The following NKX2-1 variants were observed in gnomAD, a reference collection of about 807,000 sequenced individuals.
NKX2-1 encodes homeobox protein Nkx-2.1.
Under a neutral mutation model 35.1 loss-of-function variants are expected in NKX2-1, and 9 were observed. The ratio of observed to expected loss-of-function variants is 0.26; its 90% CI spans 0.15 to 0.45. The LOEUF (loss-of-function observed/expected upper bound fraction) is 0.45, where lower values mean the gene tolerates loss of function less well. Among genes scored for constraint, NKX2-1 ranks in the 20% least tolerant of loss-of-function variants. The pLI is 1.00. For synonymous variants in NKX2-1, 284 were observed against 269.9 expected (o/e 1.05, Z -0.51); for missense variants, 509 against 589.1 (o/e 0.86, Z 1.41).
At position 36,519,142 on chromosome 14, in the gene NKX2-1, C is replaced by T. The variant is rs769642515; in HGVS notation, c.306G>A (p.Ala102=). 5.0e-6 allele frequency: 8 copies of T among 1,607,506 alleles called. No individual in the cohort carries two copies. In the Admixed American group the frequency reaches 5.0e-5, roughly 10 times the overall value. Residue 102 remains alanine (A), a synonymous_variant, in exon 2 of 3, where the codon GCG becomes GCA. Coordinates refer to ENST00000354822, the MANE Select transcript of NKX2-1 (RefSeq NM_001079668.3). ...AGTGCGAGAGCTGGGGCACCCCCGC[C>T]GCCGTCATGTGGTAGGCGGCGGTGA... ...GAVTAAYHMT[A]AGVPQLSHSA... is the part of the protein sequence containing the mutation.
chr14:36,519,912 T>C, intron 1 of NKX2-1, 141 bp downstream of exon 1: 1 of 1,318,128 alleles, frequency 7.6e-7, no homozygotes, highest in South Asian at 1.4e-5. Flanking sequence ...GAGAGATGGT[T>C]GAGAGGAAGG....
At position 36,519,425 on chromosome 14, in the gene NKX2-1, C is replaced by T. The variant is rs1202042766; in HGVS notation, c.78-55G>A. The T allele has an allele frequency of 2.1e-5, 33 of 1,602,130 alleles. No individual in the cohort carries two copies. The Admixed American group carries it at 2.6e-4, about 12-fold the overall frequency. On this transcript the variant is annotated intron_variant, in intron 1 of 2. Transcript: ENST00000354822. ...AAGGGAGAGGGGGAAGGCGAAGCCTCGCTGCTTTTTTTTTCTCCCTTTGCC... is the reference window on the plus strand; with the variant it reads ...AAGGGAGAGGGGGAAGGCGAAGCCTTGCTGCTTTTTTTTTCTCCCTTTGCC...
At chr14:36,519,944 C>A in intron 1 of NKX2-1, 109 bp downstream of exon 1, 1 of 1,524,170 alleles carries the variant, frequency 6.6e-7, no homozygotes, top group South Asian at 1.2e-5. Flanking sequence ...TGCTTTGCAA[C>A]CAACTTGCGG....
At chr14:36,519,720 TCA>T in intron 1 of NKX2-1, 1 of 1,497,634 alleles carries the variant, frequency 6.7e-7, no homozygotes, top group South Asian at 1.2e-5. Flanking sequence ...TTTTTAGGTC[TCA>T]AAGAGAGAGA....
chr14:36,517,454 CA>C lies in NKX2-1; in HGVS notation c.1029del (p.Gly344AlafsTer37). The C allele has an allele frequency of 6.9e-7, 1 of 1,454,392 alleles. No individual in the cohort carries two copies. Among genetic ancestry groups the C allele is most frequent in the Non-Finnish European group, 9.0e-7 (1 of 1,106,014 alleles). The allele number at this position is 1,454,392 out of a possible 1,614,324, so 90.1% of individuals were successfully genotyped here. A position where few individuals can be genotyped will look rare whatever the true frequency, so the allele number is the denominator to read the frequency against. The stretch of plus-strand genomic sequence containing the variant: ...CCTGGCTGGTGGCCCGGGTGTGCGC[CA>C]AGGCCGGCGCCACCGCTGCCCACGG... ...AISVGSGGAG[L>X]GAHPGHQPGS... On this transcript the variant is annotated frameshift_variant, in exon 3 of 3. Transcript: ENST00000354822. LOFTEE classifies it high-confidence loss of function.
chr14:36,520,043 G>A lies in NKX2-1; in HGVS notation c.77+10C>T, dbSNP rs780154530. On this transcript the variant is annotated intron_variant, in intron 1 of 2. Coordinates refer to ENST00000354822, the MANE Select transcript of NKX2-1 (RefSeq NM_001079668.3). ...GAGGAGGGGGCTGAGGGACAGGGTG[G>A]GGGTTTCACCTGAGCCTGCCGGGGC... 4.3e-6 allele frequency: 7 copies of A among 1,612,988 alleles called. No homozygotes were observed. The South Asian group carries it at 5.5e-5, about 13-fold the overall frequency.
Position 36,520,200 on chromosome 14 carries a change from G to A in NKX2-1, c.-71C>T, listed in dbSNP as rs886050485. On this transcript the variant is annotated 5_prime_UTR_variant, in exon 1 of 3. Transcript: ENST00000354822. Reference sequence around the variant, plus strand: ...GAGTCTGGGGACGAACCCTGGGGCCGCACTGTTGGTCTACGTGTCTGTCAG... The same window carrying A: ...GAGTCTGGGGACGAACCCTGGGGCCACACTGTTGGTCTACGTGTCTGTCAG... The A allele has an allele frequency of 6.3e-7, 1 of 1,585,422 alleles. No individual in the cohort carries two copies.
Position 36,517,521 on chromosome 14 carries a change from C to G in NKX2-1, c.963G>C (p.Gln321His). ...SLQGHAQQQAQHQAQAAQAAA... is the reference protein window; with the variant it reads ...SLQGHAQQQAHHQAQAAQAAA... ...CCGCCTGCGCGGCCTGCGCCTGGTG[C>G]TGCGCCTGCTGCTGCGCGTGGCCTT... The change falls in exon 3 of 3, where the codon CAG becomes CAC. Residue 321 changes from glutamine (Q) to histidine (H), a missense_variant. Coordinates refer to ENST00000354822, the MANE Select transcript of NKX2-1 (RefSeq NM_001079668.3). The G allele has an allele frequency of 7.1e-7, 1 of 1,404,402 alleles. No homozygotes were observed. The highest frequency in any genetic ancestry group is 9.2e-7 in the Non-Finnish European group (1 of 1,087,196). 87.0% of individuals were successfully genotyped at this position (1,404,402 alleles called of 1,614,324 possible). A position where few individuals can be genotyped will look rare whatever the true frequency, so the allele number is the denominator to read the frequency against.
rs112448937 is a variant in NKX2-1 at position 36,518,905 on chromosome 14, C to T, written c.463+80G>A. 3.0e-4 allele frequency: 419 copies of T among 1,388,168 alleles called. No individual in the cohort carries two copies. In the African/African-American group the frequency reaches 4.4e-3, roughly 15 times the overall value. The allele number at this position is 1,388,168 out of a possible 1,614,324, so 86.0% of individuals were successfully genotyped here. A position where few individuals can be genotyped will look rare whatever the true frequency, so the allele number is the denominator to read the frequency against. On this transcript the variant is annotated intron_variant, in intron 2 of 2. Transcript: ENST00000354822. ...CCCTGATGCCCAGCGCGCAGCCTGCCGGCGCCGCGCCTTCTGGACGGCTCT... is the reference window on the plus strand; with the variant it reads ...CCCTGATGCCCAGCGCGCAGCCTGCTGGCGCCGCGCCTTCTGGACGGCTCT...
In NKX2-1 at chr14:36,519,044, C is replaced by A; in HGVS notation, c.404G>T (p.Arg135Met). The A allele has an allele frequency of 1.3e-6, 2 of 1,597,808 alleles. No individual in the cohort carries two copies. The highest frequency in any genetic ancestry group is 1.7e-6 in the Non-Finnish European group (2 of 1,178,260). The change falls in exon 2 of 3, where the codon AGG becomes ATG. Residue 135 changes from arginine (R) to methionine (M), a missense_variant. Physicochemically the swap from Arg to Met is moderately conservative, Grantham distance 91. Coordinates refer to ENST00000354822, the MANE Select transcript of NKX2-1 (RefSeq NM_001079668.3). ...CCATCCGGGGCCAGAGGCGCTGTTCCTCATGGTGTCCTGGTACGGCGGCAG... is the reference window on the plus strand; with the variant it reads ...CCATCCGGGGCCAGAGGCGCTGTTCATCATGGTGTCCTGGTACGGCGGCAG... ...SELPPYQDTM[R>M]NSASGPGWYG... is the part of the protein sequence containing the mutation.
rs1286887695 is a variant in NKX2-1 at position 36,520,089 on chromosome 14, G to A, written c.41C>T (p.Ala14Val). Residue 14 changes from alanine (A) to valine (V), a missense_variant, in exon 1 of 3, where the codon GCC becomes GTC. By Grantham distance (64) the Ala-to-Val change is moderately conservative (BLOSUM62 0). Coordinates refer to ENST00000354822, the MANE Select transcript of NKX2-1 (RefSeq NM_001079668.3). ...GGGGCTGCTCCTCCCTCCCGCCGCG[G>A]CCTCCCAGCCCCGCGCCTTCCCACT... ...GGSGKARGWEAAAGGRSSPGR... is the reference protein window; with the variant it reads ...GGSGKARGWEVAAGGRSSPGR... The A allele has an allele frequency of 1.2e-6, 2 of 1,613,104 alleles. No individual in the cohort carries two copies.
At position 36,520,184 on chromosome 14, in the gene NKX2-1, G is replaced by C. The variant is rs1881291021; in HGVS notation, c.-55C>G. On this transcript the variant is annotated 5_prime_UTR_variant, in exon 1 of 3. Transcript: ENST00000354822. ...CAACAAATGAGCGAGCGAGTCTGGG[G>C]ACGAACCCTGGGGCCGCACTGTTGG... 1 of 1,601,514 alleles carries C rather than the reference G, an allele frequency of 6.2e-7. No individual in the cohort carries two copies. The highest frequency in any genetic ancestry group is 1.7e-5 in the Admixed American group (1 of 58,832).
At chr14:36,519,674 G>A (rs1881254931) in intron 1 of NKX2-1, 1 of 1,520,352 alleles carries the variant, frequency 6.6e-7, no homozygotes, top group Non-Finnish European at 8.8e-7. Context: ...ACATGCTGAT[G>A]ACAAGGTAAA....
chr14:36,520,039 G>A lies in NKX2-1; in HGVS notation c.77+14C>T, dbSNP rs1297914771. On this transcript the variant is annotated intron_variant, in intron 1 of 2. Transcript: ENST00000354822. Reference sequence around the variant, plus strand: ...TTAGGAGGAGGGGGCTGAGGGACAGGGTGGGGGTTTCACCTGAGCCTGCCG... The same window carrying A: ...TTAGGAGGAGGGGGCTGAGGGACAGAGTGGGGGTTTCACCTGAGCCTGCCG... The A allele has an allele frequency of 6.2e-7, 1 of 1,613,052 alleles. No homozygotes were observed. Among genetic ancestry groups the A allele is most frequent in the South Asian group, 1.1e-5 (1 of 91,012 alleles).
rs1050246022 is a variant in NKX2-1, at chr14:36,519,275, C to A, written c.173G>T (p.Gly58Val). ...AGCCCCGAGGCCGCCGCCCTCCATG[C>A]CCACTTTCTTGTAGCTTTCCTCCAG... ...SPLEESYKKV[G>V]MEGGGLGAPL... Residue 58 changes from glycine (G) to valine (V), a missense_variant, in exon 2 of 3, where the codon GGC becomes GTC. Physicochemically the swap from Gly to Val is moderately radical, Grantham distance 109. This residue lies in a region of NKX2-1 where 271 missense variants were observed against 284.1 expected (regional missense o/e 0.95). Transcript: ENST00000354822. 3.1e-6 allele frequency: 5 copies of A among 1,612,364 alleles called. No homozygotes were observed. The highest frequency in any genetic ancestry group is 1.7e-5 in the Admixed American group (1 of 59,968).
chr14:36,517,821 G>C lies in NKX2-1; in HGVS notation c.663C>G (p.Arg221=), dbSNP rs748104207. Residue 221 remains arginine (R), a synonymous_variant, in exon 3 of 3, where the codon CGC becomes CGG. Coordinates refer to ENST00000354822, the MANE Select transcript of NKX2-1 (RefSeq NM_001079668.3). ...GGTGGATCATGCTGGCCAGGTGCTC[G>C]CGCTCCGGCGCCGACAGGTACTTCT... ...KQQKYLSAPE[R]EHLASMIHLT... is the part of the protein sequence containing the mutation. 6.2e-7 allele frequency: 1 copy of C among 1,612,394 alleles called. No individual in the cohort carries two copies. Among genetic ancestry groups the C allele is most frequent in the South Asian group, 1.1e-5 (1 of 90,800 alleles).
At chr14:36,519,542 C>T (rs1158544029) in intron 1 of NKX2-1, 172 bp from the exon 2 acceptor site, 5 of 1,534,794 alleles carry the variant, frequency 3.3e-6, no homozygotes, top group African/African-American at 2.7e-5. Flanking sequence ...AGTGGAGGCT[C>T]GGGGGCTGCC....
chr14:36,518,548 G>A (rs1881168163), intron 2 of NKX2-1, among the ~76,000 whole-genome samples: 1 of 152,154 alleles, frequency 6.6e-6, no homozygotes, highest in Non-Finnish European at 1.5e-5. Context: ...GGAACTGCGA[G>A]TCCTCCCACC....
In NKX2-1 at chr14:36,517,397, G is replaced by A. The variant is rs1465722838; in HGVS notation, c.1087C>T (p.His363Tyr). The A allele has an allele frequency of 1.3e-6, 2 of 1,596,208 alleles. No homozygotes were observed. The highest frequency in any genetic ancestry group is 1.7e-6 in the Non-Finnish European group (2 of 1,173,916). The change falls in exon 3 of 3, where the codon CAC becomes TAC. Residue 363 changes from histidine to tyrosine, a missense_variant. Coordinates refer to ENST00000354822, the MANE Select transcript of NKX2-1 (RefSeq NM_001079668.3). Reference protein sequence around the residue: ...SAGQSPDLAHHAASPAALQGQ... With the variant: ...SAGQSPDLAHYAASPAALQGQ... ...TGCAGCGCCGCGGGGCTGGCGGCGT[G>A]GTGCGCCAGGTCCGGAGACTGGCCT...
Sources: allele counts gnomAD v4.1 joint callset (sites outside exome capture counted in the v4.1 genomes callset), GRCh38; gene constraint gnomAD v4.1.1; regional missense constraint gnomAD v4.1.1; transcripts MANE v1.5; gene names NCBI Gene and HGNC (gene_info 2026-07-23, HGNC 2026-07-21).